Variants in CHP1 observed in about 807,000 individuals in gnomAD.
The protein encoded by CHP1 is calcineurin B homologous protein 1.
A neutral mutation model predicts 27.4 loss-of-function variants in CHP1; 11 were observed. The ratio of observed to expected loss-of-function variants is 0.40; its 90% CI spans 0.25 to 0.67. The LOEUF (loss-of-function observed/expected upper bound fraction) is 0.67, where lower values mean the gene tolerates loss of function less well. CHP1 is among the 30% of genes least tolerant of loss of function. The pLI is 0.38. For missense variants in CHP1, 169 were observed against 251.3 expected (o/e 0.67, Z 2.22); for synonymous variants, 89 against 87.4 (o/e 1.02, Z -0.10).
At chr15:41,276,760 T>A (rs1335143564) in intron 5 of CHP1, among the ~76,000 whole-genome samples, 4 of 152,214 alleles carry the variant, frequency 2.6e-5, no homozygotes, top group Non-Finnish European at 4.4e-5. Context: ...GAGGACGACA[T>A]TTTGGGTGGG....
At chr15:41,258,210 A>G (rs1246041633) in intron 3 of CHP1, among the ~76,000 whole-genome samples, 1 of 152,178 alleles carries the variant, frequency 6.6e-6, no homozygotes, top group African/African-American at 2.4e-5. Flanking sequence ...TTTCTGAACT[A>G]TTTCAGGGTA....
intron 5 of CHP1, among the ~76,000 whole-genome samples, chr15:41,274,407 C>T (rs866656226): frequency 5.3e-5 from 8 of 152,304 alleles, no homozygotes; most frequent in South Asian, 2.1e-4. Context: ...TCCTTATTAA[C>T]AGATCGGATG....
chr15:41,240,888 C>A (rs2047303633), intron 1 of CHP1, among the ~76,000 whole-genome samples: 1 of 138,832 alleles, frequency 7.2e-6, no homozygotes, highest in Admixed American at 7.4e-5. Flanking sequence ...GAGTCTTGTT[C>A]TGTCACCAGT....
intron 5 of CHP1, among the ~76,000 whole-genome samples, chr15:41,278,362 T>C (rs1567013392): frequency 6.6e-6 from 1 of 151,764 alleles, no homozygotes; most frequent in Non-Finnish European, 1.5e-5. Context: ...GAAAAAAAAT[T>C]TAACTTTTAG....
chr15:41,258,314 T>C (rs1431206981), intron 3 of CHP1, among the ~76,000 whole-genome samples: 2 of 152,224 alleles, frequency 1.3e-5, no homozygotes, highest in East Asian at 1.9e-4. Flanking sequence ...TATAGTTATC[T>C]ACTTCAGTAA....
chr15:41,241,336 C>G (rs756593979), intron 1 of CHP1, among the ~76,000 whole-genome samples: 2 of 152,204 alleles, frequency 1.3e-5, no homozygotes, highest in African/African-American at 4.8e-5. Flanking sequence ...ATACTTGTGC[C>G]TTCAGGCTCA....
At chr15:41,254,691 T>C (rs140207914) in intron 2 of CHP1, among the ~76,000 whole-genome samples, 48 of 152,326 alleles carry the variant, frequency 3.2e-4, no homozygotes, top group African/African-American at 1.0e-3. Flanking sequence ...ACTAGGTCAG[T>C]TTCTACCTGT....
chr15:41,234,385 T>A (rs1333724321), intron 1 of CHP1, among the ~76,000 whole-genome samples: 1 of 152,192 alleles, frequency 6.6e-6, no homozygotes, highest in Non-Finnish European at 1.5e-5. Flanking sequence ...TATGAAGAAT[T>A]TGGAAAACTA....
At chr15:41,248,101 TACTG>T (rs1400483526) in intron 2 of CHP1, among the ~76,000 whole-genome samples, 5 of 152,154 alleles carry the variant, frequency 3.3e-5, no homozygotes, top group African/African-American at 9.7e-5. Context: ...GGTAGGTATT[TACTG>T]ACTATCTATG....
chr15:41,278,004 A>C (rs1386251256), intron 5 of CHP1, among the ~76,000 whole-genome samples: 1 of 151,734 alleles, frequency 6.6e-6, no homozygotes, highest in Non-Finnish European at 1.5e-5. Flanking sequence ...TGGAAAAGGT[A>C]CAGTAAAAAT....
intron 4 of CHP1, among the ~76,000 whole-genome samples, chr15:41,269,886 T>C (rs535934116): frequency 6.6e-6 from 1 of 152,314 alleles, no homozygotes; most frequent in South Asian, 2.1e-4. Context: ...GTTATCACCC[T>C]ATTCTCTTGG....
At chr15:41,269,316 ATACCT>A (rs1218425893) in intron 4 of CHP1, among the ~76,000 whole-genome samples, 1 of 152,236 alleles carries the variant, frequency 6.6e-6, no homozygotes, top group East Asian at 1.9e-4. Flanking sequence ...ATTCTGATAT[ATACCT>A]TACAAGGAGT....
intron 2 of CHP1, among the ~76,000 whole-genome samples, chr15:41,247,475 G>C (rs1468673183): frequency 6.6e-6 from 1 of 151,386 alleles, no homozygotes; most frequent in Non-Finnish European, 1.5e-5. Context: ...TTCGAGACCA[G>C]GCTGGCCAAC....
At chr15:41,244,311 A>G (rs2047322603) in intron 2 of CHP1, among the ~76,000 whole-genome samples, 1 of 151,724 alleles carries the variant, frequency 6.6e-6, no homozygotes, top group South Asian at 2.1e-4. Flanking sequence ...CTAGGAATGT[A>G]TTTTTAAGAT....
At chr15:41,273,855 C>G (rs1039815375) in intron 5 of CHP1, among the ~76,000 whole-genome samples, 1 of 151,672 alleles carries the variant, frequency 6.6e-6, no homozygotes, top group East Asian at 2.0e-4. Flanking sequence ...GTAGGAGAAT[C>G]GCTTGAAACC....
intron 1 of CHP1, among the ~76,000 whole-genome samples, chr15:41,234,946 G>GT (rs1187551576): frequency 6.6e-6 from 1 of 152,130 alleles, no homozygotes; most frequent in Non-Finnish European, 1.5e-5. Flanking sequence ...AAGTACAGAT[G>GT]TTTTGCCAAT....
chr15:41,239,165 A>G (rs1272802296), intron 1 of CHP1, among the ~76,000 whole-genome samples: 1 of 152,134 alleles, frequency 6.6e-6, no homozygotes, highest in Non-Finnish European at 1.5e-5. Context: ...TTTGTTAACA[A>G]AATTACTTGT....
rs2047403237 is a variant in CHP1, at chr15:41,256,900, C to G, written c.141-10C>G. On this transcript the variant is annotated splice_polypyrimidine_tract_variant and intron_variant, in intron 2 of 6. Coordinates refer to ENST00000334660, the MANE Select transcript of CHP1 (RefSeq NM_007236.5). ...GATCTCTATCTAACTCAAGGTGATT[C>G]TCTTGGCAGCCGGGAAGATTTCCAG... is the stretch of plus-strand genomic sequence containing the variant. The G allele has an allele frequency of 6.2e-7, 1 of 1,613,642 alleles. No homozygotes were observed. Among genetic ancestry groups the G allele is most frequent in the Admixed American group, 1.7e-5 (1 of 60,008 alleles).
At chr15:41,251,077 C>A (rs2047364344) in intron 2 of CHP1, among the ~76,000 whole-genome samples, 1 of 152,020 alleles carries the variant, frequency 6.6e-6, no homozygotes, top group African/African-American at 2.4e-5. Context: ...TGTGACCCAC[C>A]CACCTCAGCC....
Sources: allele counts gnomAD v4.1 joint callset (sites outside exome capture counted in the v4.1 genomes callset), GRCh38; gene constraint gnomAD v4.1.1; transcripts MANE v1.5; gene names NCBI Gene and HGNC (gene_info 2026-07-23, HGNC 2026-07-21).